Variants in AKAP13 observed in about 807,000 individuals in gnomAD.
AKAP13 encodes A-kinase anchor protein 13.
Under a neutral mutation model 264.5 loss-of-function variants are expected in AKAP13, and 80 were observed. The ratio of observed to expected loss-of-function variants is 0.30; its 90% CI spans 0.25 to 0.36. AKAP13 has a LOEUF of 0.36. Among genes scored for constraint, AKAP13 ranks in the 10% least tolerant of loss-of-function variants. AKAP13 has a pLI of 1.00. For missense variants in AKAP13, 3,712 were observed against 3,435.2 expected (o/e 1.08, Z -2.01); for synonymous variants, 1,380 against 1,250.2 (o/e 1.10, Z -2.19).
chr15:85,648,751 A>G (rs979709059), intron 10 of AKAP13, among the ~76,000 whole-genome samples: 2 of 152,146 alleles, frequency 1.3e-5, no homozygotes, highest in Non-Finnish European at 2.9e-5. Flanking sequence ...AGGTGGGAAG[A>G]TCACTTAAGT....
Position 85,664,508 on chromosome 15 carries a change from C to G in AKAP13, c.4800-55C>G, listed in dbSNP as rs921103124. 6 of 1,526,516 alleles carry G rather than the reference C, an allele frequency of 3.9e-6. No homozygotes were observed. The African/African-American group carries it at 6.9e-5, about 18-fold the overall frequency. 94.6% of individuals were successfully genotyped at this position (1,526,516 alleles called of 1,614,324 possible). On this transcript the variant is annotated intron_variant, in intron 12 of 36. Coordinates refer to ENST00000394518, the MANE Select transcript of AKAP13 (RefSeq NM_007200.5). ...ATACCCAAAGGGATTTTGTGTCCTC[C>G]TTTGTTTTTGAGACCCAGAAATAGA...
intron 8 of AKAP13, among the ~76,000 whole-genome samples, chr15:85,596,931 GA>G (rs527490441): frequency 4.6e-5 from 7 of 151,744 alleles, no homozygotes. Flanking sequence ...CTCTGAGGCA[GA>G]AAAAAAACAT....
intron 1 of AKAP13, among the ~76,000 whole-genome samples, chr15:85,450,111 T>G (rs2074030558): frequency 1.3e-5 from 2 of 152,130 alleles, no homozygotes; most frequent in South Asian, 4.2e-4. Flanking sequence ...ATTGGTCTGT[T>G]TAGGGAATAA....
intron 17 of AKAP13, among the ~76,000 whole-genome samples, chr15:85,699,614 C>T (rs1323585158): frequency 6.6e-6 from 1 of 152,114 alleles, no homozygotes; most frequent in East Asian, 1.9e-4. Context: ...ATTTGTATGT[C>T]TAAAAACAAA....
intron 12 of AKAP13, among the ~76,000 whole-genome samples, chr15:85,658,923 A>T (rs1483141787): frequency 6.6e-6 from 1 of 152,142 alleles, no homozygotes; most frequent in Non-Finnish European, 1.5e-5. Flanking sequence ...TGTCGTGCCT[A>T]TTTAATGGAC....
intron 5 of AKAP13, among the ~76,000 whole-genome samples, chr15:85,547,063 T>C (rs1324484565): frequency 6.6e-6 from 1 of 152,166 alleles, no homozygotes; most frequent in African/African-American, 2.4e-5. Flanking sequence ...TTTCTAATAG[T>C]TTGGGTATCT....
intron 8 of AKAP13, among the ~76,000 whole-genome samples, chr15:85,617,531 C>A (rs142670413): frequency 6.6e-6 from 1 of 152,286 alleles, no homozygotes; most frequent in South Asian, 2.1e-4. Context: ...TGAGCCACCG[C>A]GCCCAGCCGG....
chr15:85,528,732 A>C (rs1434956832), intron 3 of AKAP13, among the ~76,000 whole-genome samples: 1 of 152,122 alleles, frequency 6.6e-6, no homozygotes, highest in Non-Finnish European at 1.5e-5. Flanking sequence ...CTCCCACCCC[A>C]TAATTTATAT....
At chr15:85,458,997 T>G (rs1026811496) in intron 1 of AKAP13, among the ~76,000 whole-genome samples, 1 of 152,210 alleles carries the variant, frequency 6.6e-6, no homozygotes, top group Non-Finnish European at 1.5e-5. Flanking sequence ...TACCTTCATG[T>G]CATAAACTAT....
At chr15:85,666,145 G>A (rs2083584154) in intron 13 of AKAP13, among the ~76,000 whole-genome samples, 1 of 152,224 alleles carries the variant, frequency 6.6e-6, no homozygotes, top group Non-Finnish European at 1.5e-5. Flanking sequence ...CCCGCCAACA[G>A]TGTAAAAGCG....
chr15:85,704,754 A>T (rs1044036165), intron 17 of AKAP13, among the ~76,000 whole-genome samples: 4 of 152,228 alleles, frequency 2.6e-5, no homozygotes, highest in African/African-American at 9.6e-5. Context: ...ACAACATGGT[A>T]TGGTTTGTGG....
At chr15:85,431,201 A>G (rs186116806) in intron 1 of AKAP13, among the ~76,000 whole-genome samples, 1 of 152,352 alleles carries the variant, frequency 6.6e-6, no homozygotes, top group African/African-American at 2.4e-5. Context: ...AAGCAACATT[A>G]TAACATTGTT....
At chr15:85,559,081 C>T (rs1186594786) in intron 5 of AKAP13, among the ~76,000 whole-genome samples, 1 of 151,998 alleles carries the variant, frequency 6.6e-6, no homozygotes, top group Non-Finnish European at 1.5e-5. Flanking sequence ...AAGCAATTCT[C>T]TTTTTTCCTG....
At chr15:85,524,490 A>T (rs2076948278) in intron 3 of AKAP13, among the ~76,000 whole-genome samples, 1 of 147,318 alleles carries the variant, frequency 6.8e-6, no homozygotes, top group Admixed American at 6.7e-5. Flanking sequence ...TGCTTTTATT[A>T]TTATTTTTTT....
At chr15:85,732,488 T>C (rs745623529) in intron 30 of AKAP13, among the ~76,000 whole-genome samples, 79 of 149,876 alleles carry the variant, frequency 5.3e-4, no homozygotes, top group Non-Finnish European at 8.1e-4. Context: ...TTACATCATA[T>C]ATAATTTAAA....
At chr15:85,489,272 A>C (rs2075658855) in intron 2 of AKAP13, among the ~76,000 whole-genome samples, 1 of 152,236 alleles carries the variant, frequency 6.6e-6, no homozygotes, top group African/African-American at 2.4e-5. Flanking sequence ...TGAGTAACAT[A>C]GTTAATACAC....
intron 11 of AKAP13, among the ~76,000 whole-genome samples, chr15:85,656,587 C>G (rs1325995887): frequency 6.6e-6 from 1 of 152,198 alleles, no homozygotes; most frequent in African/African-American, 2.4e-5. Flanking sequence ...GCTGGGACTA[C>G]AGGCGCCCGC....
At chr15:85,482,356 CTATT>C (rs1189885871) in intron 1 of AKAP13, among the ~76,000 whole-genome samples, 6 of 152,104 alleles carry the variant, frequency 3.9e-5, no homozygotes, top group African/African-American at 7.2e-5. Context: ...TGTGTGAAAA[CTATT>C]TATTTTAATG....
intron 1 of AKAP13, among the ~76,000 whole-genome samples, chr15:85,432,600 T>A (rs1886549917): frequency 6.6e-6 from 1 of 152,198 alleles, no homozygotes; most frequent in Admixed American, 6.5e-5. Flanking sequence ...TACTTTGTTA[T>A]CTGAAAAAGA....
Sources: gnomAD v4.1 joint callset for allele counts (sites outside exome capture counted in the v4.1 genomes callset) on GRCh38, gnomAD v4.1.1 for gene constraint, MANE v1.5 for transcripts, NCBI Gene and HGNC (gene_info 2026-07-23, HGNC 2026-07-21) for gene names.